Variants in SPATA17 observed in about 807,000 individuals in gnomAD.
The protein encoded by SPATA17 is spermatogenesis-associated protein 17.
A neutral mutation model predicts 62.2 loss-of-function variants in SPATA17; 53 were observed. The ratio of observed to expected loss-of-function variants is 0.85; its 90% CI spans 0.68 to 1.07. The LOEUF (loss-of-function observed/expected upper bound fraction) is 1.07. Ranked by LOEUF, SPATA17 falls within the 50% of genes least tolerant of loss-of-function variation. The probability of loss-of-function intolerance (pLI) is 0.00; values close to 1 mark genes in which losing one functional copy is unlikely to be tolerated. For synonymous variants in SPATA17, 146 were observed against 146.8 expected, an observed-to-expected ratio of 0.99 and a Z score of 0.04; for missense variants, 466 against 425.5, an observed-to-expected ratio of 1.10 and a Z score of -0.84.
chr1:217,723,388 C>A (rs1013142720), intron 5 of SPATA17, among the ~76,000 whole-genome samples: 1 of 152,110 alleles, frequency 6.6e-6, no homozygotes, highest in East Asian at 1.9e-4. Context: ...CTTCAGATAT[C>A]CTCTTAAATT....
intron 3 of SPATA17, among the ~76,000 whole-genome samples, chr1:217,656,564 A>G (rs1670447702): frequency 6.6e-6 from 1 of 151,810 alleles, no homozygotes; most frequent in Admixed American, 6.6e-5. Flanking sequence ...GTATGTATGT[A>G]TGTATGTATG....
intron 5 of SPATA17, among the ~76,000 whole-genome samples, chr1:217,716,100 C>A (rs1052186124): frequency 1.3e-5 from 2 of 152,036 alleles, no homozygotes; most frequent in Non-Finnish European, 2.9e-5. Flanking sequence ...CTTGCTCTGG[C>A]AGAAAAATAT....
intron 6 of SPATA17, among the ~76,000 whole-genome samples, chr1:217,750,766 C>T (rs1672884774): frequency 6.6e-6 from 1 of 152,202 alleles, no homozygotes; most frequent in African/African-American, 2.4e-5. Context: ...AGAGATGCCA[C>T]TCGTCGGAAT....
At chr1:217,696,337 C>G (rs1176674170) in intron 5 of SPATA17, among the ~76,000 whole-genome samples, 1 of 152,120 alleles carries the variant, frequency 6.6e-6, no homozygotes, top group Admixed American at 6.5e-5. Context: ...GGCAATGCCT[C>G]GCCCTGCTTC....
chr1:217,806,658 T>C (rs1301208589), intron 9 of SPATA17, among the ~76,000 whole-genome samples: 1 of 152,232 alleles, frequency 6.6e-6, no homozygotes, highest in East Asian at 1.9e-4. Flanking sequence ...CCATCATCTC[T>C]TTATCTATTA....
chr1:217,788,682 T>C (rs974975675), intron 8 of SPATA17, among the ~76,000 whole-genome samples: 4 of 152,132 alleles, frequency 2.6e-5, no homozygotes, highest in Non-Finnish European at 5.9e-5. Context: ...AGGCTGCCTC[T>C]AGAAGTCACA....
intron 9 of SPATA17, among the ~76,000 whole-genome samples, chr1:217,859,670 G>A (rs1477067319): frequency 1.3e-5 from 2 of 152,110 alleles, no homozygotes; most frequent in Non-Finnish European, 2.9e-5. Flanking sequence ...GCCTCCTGAA[G>A]TGCTGGATTA....
At chr1:217,722,539 AGC>A (rs1672157948) in intron 5 of SPATA17, among the ~76,000 whole-genome samples, 1 of 152,174 alleles carries the variant, frequency 6.6e-6, no homozygotes, top group Non-Finnish European at 1.5e-5. Flanking sequence ...ATACCAGACA[AGC>A]ACTTTTAGAG....
chr1:217,849,521 A>C (rs1558075509), intron 9 of SPATA17, among the ~76,000 whole-genome samples: 2 of 152,130 alleles, frequency 1.3e-5, no homozygotes, highest in Admixed American at 6.6e-5. Context: ...ATGAAAACTA[A>C]ATATATATAA....
chr1:217,774,221 A>G (rs1040322780), intron 6 of SPATA17, 113 bp from the exon 7 acceptor site: 1 of 830,016 alleles, frequency 1.2e-6, no homozygotes, highest in Non-Finnish European at 1.8e-6. Context: ...TAAGAACCAC[A>G]GTTGTAGTTT....
chr1:217,683,081 TA>T (rs1178097002), intron 4 of SPATA17, among the ~76,000 whole-genome samples, 176 bp from the exon 5 acceptor site: 2 of 151,914 alleles, frequency 1.3e-5, no homozygotes, highest in East Asian at 1.9e-4. Context: ...TAATATTTCA[TA>T]AAAAATTTAT....
chr1:217,712,059 T>C (rs12136555), intron 5 of SPATA17, among the ~76,000 whole-genome samples: 28,231 of 151,512 alleles, frequency 0.19, 2,925 homozygotes, highest in African/African-American at 0.27. Context: ...CTCAGAATTA[T>C]TAATTTTATG....
At chr1:217,793,932 G>A (rs924827573) in intron 8 of SPATA17, among the ~76,000 whole-genome samples, 36 of 151,900 alleles carry the variant, frequency 2.4e-4, no homozygotes, top group Admixed American at 2.3e-3. Context: ...TGGCTATCAC[G>A]GTGAAACCCC....
intron 5 of SPATA17, among the ~76,000 whole-genome samples, chr1:217,699,709 A>G (rs553571210): frequency 4.6e-5 from 7 of 152,066 alleles, no homozygotes; most frequent in Non-Finnish European, 4.4e-5. Flanking sequence ...TTTTAATTTT[A>G]ACGGCATCCA....
chr1:217,844,983 T>C (rs1675491352), intron 9 of SPATA17, among the ~76,000 whole-genome samples: 1 of 152,128 alleles, frequency 6.6e-6, no homozygotes, highest in South Asian at 2.1e-4. Flanking sequence ...ACTACATGCA[T>C]AATGAATTTT....
intron 1 of SPATA17, among the ~76,000 whole-genome samples, chr1:217,640,343 T>G (rs1381216943): frequency 6.6e-6 from 1 of 152,118 alleles, no homozygotes; most frequent in African/African-American, 2.4e-5. Context: ...AAAAACTCTA[T>G]ACCACATACA....
intron 9 of SPATA17, among the ~76,000 whole-genome samples, chr1:217,855,803 TG>T (rs1389219532): frequency 6.7e-6 from 1 of 148,520 alleles, no homozygotes; most frequent in Non-Finnish European, 1.5e-5. Context: ...CTCAGCTCAC[TG>T]CAACCTCCGT....
chr1:217,676,289 G>A (rs1670945065), intron 4 of SPATA17, among the ~76,000 whole-genome samples: 1 of 152,090 alleles, frequency 6.6e-6, no homozygotes, highest in Admixed American at 6.5e-5. Context: ...GATTTTTGAG[G>A]AGGATGTAAC....
intron 1 of SPATA17, among the ~76,000 whole-genome samples, chr1:217,632,336 C>G (rs1669817128): frequency 3.9e-5 from 6 of 152,110 alleles, no homozygotes; most frequent in Admixed American, 3.9e-4. Context: ...AAACTTCTTG[C>G]CCAGGAAGAG....
Sources: allele counts gnomAD v4.1 joint callset (sites outside exome capture counted in the v4.1 genomes callset), GRCh38; gene constraint gnomAD v4.1.1; transcripts MANE v1.5; gene names NCBI Gene and HGNC (gene_info 2026-07-23, HGNC 2026-07-21).